The following VCF1 variants were observed in gnomAD, a reference collection of about 807,000 sequenced individuals.
VCF1 encodes the protein VCP nuclear cofactor family member 1, also known as protein VCF1.
the VCF1 span, among the ~76,000 whole-genome samples, chr17:73,223,816 C>CA: frequency 1.3e-5 from 2 of 151,572 alleles, no homozygotes; most frequent in African/African-American, 4.9e-5. Flanking sequence ...CCTGTCTCTA[C>CA]AAAAAATTAA....
chr17:73,224,899 G>GCACA, the VCF1 span, among the ~76,000 whole-genome samples: 617 of 126,834 alleles, frequency 4.9e-3, 79 homozygotes, highest in Admixed American at 6.2e-3. Flanking sequence ...GGACAGGACA[G>GCACA]GACAGGACAG....
the VCF1 span, chr17:73,207,774 GAA>G: frequency 2.4e-3 from 3,053 of 1,289,428 alleles, 67 homozygotes; most frequent in African/African-American, 0.042. Flanking sequence ...ATGTGTGTTT[GAA>G]AGCTCAAACA....
chr17:73,207,411 T>TAC, the VCF1 span: 1 of 781,556 alleles, frequency 1.3e-6, no homozygotes, highest in Non-Finnish European at 2.2e-6. Context: ...AAGTACAAGG[T>TAC]TTTACTAGCT....
the VCF1 span, chr17:73,207,668 T>A: frequency 1.5e-5 from 20 of 1,294,948 alleles, no homozygotes; most frequent in Non-Finnish European, 2.0e-5. Context: ...CCCAAAAGTT[T>A]GACATTTTCT....
the VCF1 span, among the ~76,000 whole-genome samples, chr17:73,219,901 G>A: frequency 6.6e-6 from 1 of 151,898 alleles, no homozygotes; most frequent in East Asian, 1.9e-4. Context: ...CCTGAGCCTG[G>A]GGAGGTCAAG....
the VCF1 span, among the ~76,000 whole-genome samples, chr17:73,211,451 C>A: frequency 0.58 from 87,632 of 151,390 alleles, 25,536 homozygotes; most frequent in Non-Finnish European, 0.62. Context: ...CGGCTGTAAT[C>A]CCAGCTACTA....
At chr17:73,216,619 G>T in the VCF1 span, among the ~76,000 whole-genome samples, 1 of 152,120 alleles carries the variant, frequency 6.6e-6, no homozygotes, top group African/African-American at 2.4e-5. Context: ...AAAGAAGGGA[G>T]AAATACTAGA....
At chr17:73,207,806 C>T in the VCF1 span, 6 of 1,284,614 alleles carry the variant, frequency 4.7e-6, no homozygotes, top group Non-Finnish European at 6.1e-6. Flanking sequence ...CTTACAGCAT[C>T]GAGTTGTTTG....
the VCF1 span, chr17:73,207,885 C>G: frequency 8.4e-7 from 1 of 1,186,466 alleles, no homozygotes; most frequent in African/African-American, 1.6e-5. Context: ...CCATTAAGAT[C>G]TAAAATCCTT....
chr17:73,215,165 G>C, the VCF1 span, among the ~76,000 whole-genome samples: 1 of 152,216 alleles, frequency 6.6e-6, no homozygotes, highest in Non-Finnish European at 1.5e-5. Flanking sequence ...TGTGAAAAAG[G>C]ATTCTAGGTT....
the VCF1 span, chr17:73,208,031 G>A: frequency 8.2e-6 from 11 of 1,338,604 alleles, no homozygotes; most frequent in Admixed American, 2.8e-4. Context: ...TGATCTTTCA[G>A]TTCTGCCCAC....
chr17:73,229,064 G>C, the VCF1 span, among the ~76,000 whole-genome samples: 1 of 152,158 alleles, frequency 6.6e-6, no homozygotes, highest in Non-Finnish European at 1.5e-5. Flanking sequence ...CAGAGGGACT[G>C]TAAGAACAAA....
At chr17:73,231,371 A>G in the VCF1 span, among the ~76,000 whole-genome samples, 1 of 152,166 alleles carries the variant, frequency 6.6e-6, no homozygotes, top group African/African-American at 2.4e-5. Flanking sequence ...TCCGGACTCT[A>G]GTAGTACATG....
chr17:73,226,595 G>A, the VCF1 span, among the ~76,000 whole-genome samples: 3 of 152,106 alleles, frequency 2.0e-5, no homozygotes, highest in Admixed American at 1.3e-4. Context: ...CACAGAAAAT[G>A]TATCCTCAGT....
chr17:73,208,582 C>CT, the VCF1 span: 5 of 1,125,932 alleles, frequency 4.4e-6, no homozygotes, highest in Non-Finnish European at 5.3e-6. Context: ...CCCCTAGTTA[C>CT]TGTTGGGGGT....
At chr17:73,221,713 ACCC>A in the VCF1 span, among the ~76,000 whole-genome samples, 1 of 151,874 alleles carries the variant, frequency 6.6e-6, no homozygotes, top group East Asian at 1.9e-4. Flanking sequence ...ACATGAGGAG[ACCC>A]CCATCTCCAC....
chr17:73,230,431 G>T, the VCF1 span, among the ~76,000 whole-genome samples: 1,514 of 150,930 alleles, frequency 0.01, 32 homozygotes, highest in African/African-American at 0.035. Context: ...TGGAAGTTTC[G>T]CTCTTGTTGC....
the VCF1 span, among the ~76,000 whole-genome samples, chr17:73,224,744 C>T: frequency 9.2e-5 from 14 of 152,328 alleles, no homozygotes; most frequent in East Asian, 2.7e-3. Flanking sequence ...GATATTCCCT[C>T]TGCCTTTTGC....
At chr17:73,217,510 C>G in the VCF1 span, among the ~76,000 whole-genome samples, 1 of 151,922 alleles carries the variant, frequency 6.6e-6, no homozygotes, top group South Asian at 2.1e-4. Context: ...ATTAGCTGGG[C>G]GTGGTGGCGT....
Sources: allele counts gnomAD v4.1 joint callset (sites outside exome capture counted in the v4.1 genomes callset), GRCh38; gene constraint gnomAD v4.1.1; transcripts MANE v1.5; gene names NCBI Gene and HGNC (gene_info 2026-07-23, HGNC 2026-07-21).